Variants in NQO2 observed in about 807,000 individuals in gnomAD.
NQO2 encodes the protein ribosyldihydronicotinamide dehydrogenase [quinone].
A neutral mutation model predicts 22.0 loss-of-function variants in NQO2; 18 were observed. The ratio of observed to expected loss-of-function variants is 0.82; its 90% CI spans 0.56 to 1.21. The LOEUF is 1.21. NQO2 is among the 50% of genes most tolerant of loss of function. NQO2 has a pLI of 0.00. For synonymous variants in NQO2, 106 were observed against 110.8 expected, an observed-to-expected ratio of 0.96 and a Z score of 0.28; for missense variants, 267 against 286.9, an observed-to-expected ratio of 0.93 and a Z score of 0.50.
At position 3,015,634 on chromosome 6, in the gene NQO2, T is replaced by G. The variant is rs941472329; in HGVS notation, c.408T>G (p.Gly136=). The G allele has an allele frequency of 5.0e-6, 8 of 1,613,960 alleles. No individual in the cohort carries two copies. The highest frequency in any genetic ancestry group is 3.3e-5 in the Admixed American group (2 of 59,996). Residue 136 remains glycine (G), a synonymous_variant, in exon 5 of 7, where the codon GGT becomes GGG. Coordinates refer to ENST00000380455, the MANE Select transcript of NQO2 (RefSeq NM_000904.6). ...ACATCCCAGGATTCTACGATTCCGG[T>G]TTGCTCCAGGTATGTGCTCTTGGAT... The part of the protein sequence containing the change: ...AFDIPGFYDS[G]LLQGKLALLS...
intron 1 of NQO2, chr6:3,005,639 A>G (rs1212319859): frequency 1.0e-6 from 1 of 984,744 alleles, no homozygotes; most frequent in Non-Finnish European, 1.2e-6. Context: ...TGGTAGGGAG[A>G]GTGGGTTTGT....
In NQO2 at chr6:3,014,197, G is replaced by A. The variant is rs138263790; in HGVS notation, c.304-1333G>A. 1.4e-3 allele frequency among the ~76,000 whole-genome samples: 219 copies of A among 152,240 alleles called. 1 individual carries two copies. Among genetic ancestry groups the A allele is most frequent in the African/African-American group, 5.0e-3 (209 of 41,548 alleles). On this transcript the variant is annotated intron_variant, in intron 4 of 6. Coordinates refer to ENST00000380455, the MANE Select transcript of NQO2 (RefSeq NM_000904.6). ...CTTCATAAAAGCAACCTGCATGTGC[G>A]GGAAGAGGGCTGCCTCATCCCTGCC...
chr6:3,005,999 T>C (rs1489152253), intron 1 of NQO2, among the ~76,000 whole-genome samples: 4 of 152,206 alleles, frequency 2.6e-5, no homozygotes, highest in Admixed American at 2.6e-4. Context: ...AGCCTGGGTC[T>C]AAGCCAACTC....
At chr6:3,008,779 C>T (rs1261340954) in intron 2 of NQO2, among the ~76,000 whole-genome samples, 9 of 152,214 alleles carry the variant, frequency 5.9e-5, no homozygotes, top group African/African-American at 2.2e-4. Context: ...CCAGGGGAGA[C>T]ATCACATGTC....
chr6:3,013,866 G>T (rs557342040), intron 4 of NQO2, among the ~76,000 whole-genome samples: 5 of 152,296 alleles, frequency 3.3e-5, no homozygotes, highest in African/African-American at 1.2e-4. Flanking sequence ...GGGCCTCCTG[G>T]ATCCCAAGGA....
intron 4 of NQO2, among the ~76,000 whole-genome samples, chr6:3,013,837 A>G (rs537727074): frequency 6.6e-6 from 1 of 152,316 alleles, no homozygotes; most frequent in South Asian, 2.1e-4. Context: ...GGAATCTATT[A>G]TAAGGGCTCT....
At chr6:3,015,713 A>C in intron 5 of NQO2, 70 bp downstream of exon 5, 2 of 1,422,022 alleles carry the variant, frequency 1.4e-6, no homozygotes, top group Non-Finnish European at 2.0e-6. Flanking sequence ...TCTTCTATCA[A>C]GTTATATTTC....
intron 5 of NQO2, 148 bp from the exon 6 acceptor site, chr6:3,016,736 T>A (rs1757339609): frequency 1.4e-6 from 2 of 1,460,948 alleles, no homozygotes; most frequent in South Asian, 2.7e-5. Flanking sequence ...TTGTCACCTA[T>A]GGATGGGAGT....
intron 4 of NQO2, among the ~76,000 whole-genome samples, chr6:3,013,338 C>T (rs1757214976): frequency 6.6e-6 from 1 of 152,158 alleles, no homozygotes; most frequent in African/African-American, 2.4e-5. Context: ...TCCCGACTGC[C>T]ATGTAAATAG....
intron 4 of NQO2, among the ~76,000 whole-genome samples, chr6:3,012,996 C>T (rs1204632930): frequency 7.7e-5 from 9 of 116,522 alleles, no homozygotes; most frequent in Admixed American, 1.1e-4. Flanking sequence ...CGCTCTGTCG[C>T]CCAGGCTGGA....
At chr6:3,004,567 C>T (rs1756869654) in intron 1 of NQO2, 8 of 985,568 alleles carry the variant, frequency 8.1e-6, no homozygotes, top group African/African-American at 1.7e-5. Context: ...GACCCCAGCC[C>T]TGTGCCTGTG....
intron 4 of NQO2, among the ~76,000 whole-genome samples, chr6:3,013,448 C>T (rs137924129): frequency 9.2e-5 from 14 of 152,274 alleles, no homozygotes; most frequent in African/African-American, 3.1e-4. Context: ...CTGAGACATT[C>T]TGGGGCTGCT....
chr6:3,001,623 T>C (rs1228211338), intron 1 of NQO2, among the ~76,000 whole-genome samples: 2 of 152,304 alleles, frequency 1.3e-5, no homozygotes, highest in East Asian at 1.9e-4. Context: ...GAATACACAC[T>C]GAATACACTG....
At chr6:3,009,686 G>T (rs1757077912) in intron 2 of NQO2, among the ~76,000 whole-genome samples, 1 of 152,152 alleles carries the variant, frequency 6.6e-6, no homozygotes, top group African/African-American at 2.4e-5. Context: ...ATATTCTTCT[G>T]CCATGGCCTC....
chr6:3,001,427 T>C (rs1198813427), intron 1 of NQO2, among the ~76,000 whole-genome samples: 1 of 152,064 alleles, frequency 6.6e-6, no homozygotes, highest in Non-Finnish European at 1.5e-5. Flanking sequence ...AAAAAATAAA[T>C]CAGTTTAACC....
rs567713116 is a variant in NQO2, at chr6:3,014,682, C to CATTCAAA, written c.304-845_304-844insCAAAATT. On this transcript the variant is annotated intron_variant, in intron 4 of 6. Transcript: ENST00000380455. ...CATTATAAGTTATTCTTTTATTCAACATTAATAAAAATTTCATTCATCACT... is the reference window on the plus strand; with the variant it reads ...CATTATAAGTTATTCTTTTATTCAACATTCAAAATTAATAAAAATTTCATTCATCACT... 1.4e-3 allele frequency among the ~76,000 whole-genome samples: 218 copies of CATTCAAA among 152,236 alleles called. 1 individual carries two copies. Among genetic ancestry groups the CATTCAAA allele is most frequent in the African/African-American group, 5.0e-3 (209 of 41,526 alleles).
chr6:3,018,738 T>C (rs1757425565), intron 6 of NQO2, among the ~76,000 whole-genome samples: 1 of 152,108 alleles, frequency 6.6e-6, no homozygotes. Flanking sequence ...CTGAAGGAAA[T>C]GATAATTTAT....
chr6:3,012,563 G>A lies in NQO2; in HGVS notation c.192G>A (p.Glu64=). Residue 64 remains glutamate (E), a synonymous_variant, in exon 4 of 7, where the codon GAG becomes GAA. Transcript: ENST00000380455. ...CGACAGGTACTCTTTCTAATCCTGA[G>A]GTTTTCAATTATGGAGTGGAAACCC... is the stretch of plus-strand genomic sequence containing the variant. ...KDITGTLSNP[E]VFNYGVETHE... is the part of the protein sequence containing the mutation. 6.2e-7 allele frequency: 1 copy of A among 1,614,138 alleles called. No individual in the cohort carries two copies. Among genetic ancestry groups the A allele is most frequent in the Non-Finnish European group, 8.5e-7 (1 of 1,180,028 alleles).
Position 3,016,992 on chromosome 6 carries a change from C to G in NQO2, c.519+7C>G, listed in dbSNP as rs1310278615. 1 of 1,613,282 alleles carries G rather than the reference C, an allele frequency of 6.2e-7. No individual in the cohort carries two copies. The highest frequency in any genetic ancestry group is 1.1e-5 in the South Asian group (1 of 91,006). On this transcript the variant is annotated splice_region_variant and intron_variant, in intron 6 of 6. Coordinates refer to ENST00000380455, the MANE Select transcript of NQO2 (RefSeq NM_000904.6). ...CTTCCTGTGGCCACTCCAGGTAGAC[C>G]AGCTGCGAGTGGCTCCCTTGCTTGT... is the stretch of plus-strand genomic sequence containing the variant.
Sources: allele counts gnomAD v4.1 joint callset (sites outside exome capture counted in the v4.1 genomes callset), GRCh38; gene constraint gnomAD v4.1.1; transcripts MANE v1.5; gene names NCBI Gene and HGNC (gene_info 2026-07-23, HGNC 2026-07-21).